Variants in EDIL3 observed in about 807,000 individuals in gnomAD.
EDIL3 encodes EGF like and discoidin domains 3, also known as EGF-like repeat and discoidin I-like domain-containing protein 3.
EDIL3 carries 37 observed loss-of-function variants against 67.4 expected under a neutral mutation model. That is an observed-to-expected ratio of 0.55 (90% CI 0.42 to 0.72). The LOEUF (loss-of-function observed/expected upper bound fraction) is 0.72, where lower values mean the gene tolerates loss of function less well. Ranked by LOEUF, EDIL3 falls within the 30% of genes least tolerant of loss-of-function variation. The pLI is 0.00. For missense variants in EDIL3, 527 were observed against 586.3 expected (o/e 0.90, Z 1.04); for synonymous variants, 195 against 196.3 (o/e 0.99, Z 0.05).
intron 1 of EDIL3, among the ~76,000 whole-genome samples, chr5:84,317,314 A>G (rs1746533886): frequency 6.6e-6 from 1 of 152,198 alleles, no homozygotes; most frequent in Non-Finnish European, 1.5e-5. Flanking sequence ...AAATCAATGA[A>G]TCCAGGAGCT....
chr5:84,190,081 A>G (rs1743546674), intron 3 of EDIL3, among the ~76,000 whole-genome samples: 1 of 151,938 alleles, frequency 6.6e-6, no homozygotes, highest in African/African-American at 2.4e-5. Context: ...ACACCCCTAT[A>G]ATCTAAGAGA....
At chr5:84,326,773 A>G (rs946216178) in intron 1 of EDIL3, among the ~76,000 whole-genome samples, 8 of 151,840 alleles carry the variant, frequency 5.3e-5, no homozygotes, top group African/African-American at 1.9e-4. Flanking sequence ...TATTTCAGCT[A>G]CTTTTATCTT....
intron 10 of EDIL3, among the ~76,000 whole-genome samples, chr5:83,947,351 ATGTGTCTGTGTCTGTGTC>A (rs200556441): frequency 1.4e-5 from 2 of 145,550 alleles, no homozygotes; most frequent in African/African-American, 5.1e-5. Flanking sequence ...GGCAGCATGT[ATGTGTCTGTGTCTGTGTC>A]TGTGTGTGTG....
intron 1 of EDIL3, among the ~76,000 whole-genome samples, chr5:84,358,070 C>T (rs1310853279): frequency 2.0e-5 from 3 of 152,002 alleles, no homozygotes; most frequent in Admixed American, 2.0e-4. Context: ...AAGAATCCTC[C>T]ACACAGCCAA....
At chr5:84,054,556 A>T (rs1176190694) in intron 9 of EDIL3, among the ~76,000 whole-genome samples, 2 of 152,104 alleles carry the variant, frequency 1.3e-5, no homozygotes, top group Non-Finnish European at 2.9e-5. Flanking sequence ...ATATCTAGAA[A>T]ACCCTATCAT....
chr5:84,023,557 A>C (rs917200340), intron 9 of EDIL3, among the ~76,000 whole-genome samples: 4 of 152,128 alleles, frequency 2.6e-5, no homozygotes, highest in Non-Finnish European at 5.9e-5. Context: ...TACTAATTTA[A>C]CAATTTCAAA....
intron 1 of EDIL3, among the ~76,000 whole-genome samples, chr5:84,299,002 T>C (rs1746102785): frequency 6.6e-6 from 1 of 151,974 alleles, no homozygotes; most frequent in African/African-American, 2.4e-5. Flanking sequence ...ACATCTTTAA[T>C]CTCCAGCAAA....
At chr5:84,311,981 C>A (rs1746399000) in intron 1 of EDIL3, among the ~76,000 whole-genome samples, 1 of 152,202 alleles carries the variant, frequency 6.6e-6, no homozygotes, top group Non-Finnish European at 1.5e-5. Flanking sequence ...ACATGGCAAC[C>A]ATCCGATTTC....
At chr5:84,147,120 T>A (rs1417586468) in intron 4 of EDIL3, among the ~76,000 whole-genome samples, 1 of 152,096 alleles carries the variant, frequency 6.6e-6, no homozygotes, top group African/African-American at 2.4e-5. Flanking sequence ...TCCTAAATAT[T>A]TATTCCCAAA....
chr5:83,965,456 A>G (rs887939476), intron 9 of EDIL3, among the ~76,000 whole-genome samples: 5 of 152,032 alleles, frequency 3.3e-5, no homozygotes, highest in Admixed American at 2.0e-4. Context: ...CACTCAATAC[A>G]TGGAAAAAAA....
At chr5:84,205,457 G>T (rs1259455639) in intron 3 of EDIL3, among the ~76,000 whole-genome samples, 2 of 152,158 alleles carry the variant, frequency 1.3e-5, no homozygotes, top group Admixed American at 1.3e-4. Context: ...TATGAAATGT[G>T]CAATAGCCAA....
chr5:84,318,732 A>C (rs1416101700), intron 1 of EDIL3, among the ~76,000 whole-genome samples: 1 of 152,224 alleles, frequency 6.6e-6, no homozygotes, highest in Non-Finnish European at 1.5e-5. Context: ...AATACCATTC[A>C]GGACATAGGC....
At chr5:84,301,458 T>C (rs1251582560) in intron 1 of EDIL3, among the ~76,000 whole-genome samples, 2 of 152,170 alleles carry the variant, frequency 1.3e-5, no homozygotes, top group African/African-American at 4.8e-5. Context: ...TCAAGTCCTA[T>C]GTAATGGAGC....
chr5:84,171,837 A>G (rs1055142465), intron 4 of EDIL3, among the ~76,000 whole-genome samples: 4 of 152,194 alleles, frequency 2.6e-5, no homozygotes, highest in African/African-American at 9.7e-5. Flanking sequence ...AGATAAATTA[A>G]GTCAGAATCT....
chr5:84,088,912 T>C (rs1747117656), intron 6 of EDIL3, among the ~76,000 whole-genome samples: 1 of 152,068 alleles, frequency 6.6e-6, no homozygotes, highest in South Asian at 2.1e-4. Flanking sequence ...GTAACCAACA[T>C]ATGATATAAA....
chr5:84,377,492 A>G (rs1424597234), intron 1 of EDIL3, among the ~76,000 whole-genome samples: 3 of 152,130 alleles, frequency 2.0e-5, no homozygotes, highest in African/African-American at 7.2e-5. Flanking sequence ...AGCCCATTTC[A>G]TCCTGGCTGA....
intron 3 of EDIL3, among the ~76,000 whole-genome samples, chr5:84,223,700 A>G (rs1186487937): frequency 2.0e-5 from 3 of 151,532 alleles, no homozygotes; most frequent in Non-Finnish European, 3.0e-5. Context: ...TCTAATGTAC[A>G]GTATGAGTAC....
chr5:84,339,078 A>G (rs1473810246), intron 1 of EDIL3, among the ~76,000 whole-genome samples: 1 of 152,026 alleles, frequency 6.6e-6, no homozygotes, highest in Non-Finnish European at 1.5e-5. Flanking sequence ...ATTAACAAGG[A>G]CTTCACTTTT....
At chr5:84,174,866 T>C (rs1313480545) in intron 4 of EDIL3, among the ~76,000 whole-genome samples, 2 of 152,160 alleles carry the variant, frequency 1.3e-5, no homozygotes, top group South Asian at 2.1e-4. Flanking sequence ...CTGGCAGCAA[T>C]GCTCCTCTGC....
Sources: gnomAD v4.1 joint callset for allele counts (sites outside exome capture counted in the v4.1 genomes callset) on GRCh38, gnomAD v4.1.1 for gene constraint, MANE v1.5 for transcripts, NCBI Gene and HGNC (gene_info 2026-07-23, HGNC 2026-07-21) for gene names.